CACNA2D1: variants seen among roughly 807,000 people sequenced by gnomAD.
CACNA2D1 encodes calcium voltage-gated channel auxiliary subunit alpha2delta 1, also known as voltage-dependent calcium channel subunit alpha-2/delta-1.
Under a neutral mutation model 171.5 loss-of-function variants are expected in CACNA2D1, and 53 were observed. The observed-to-expected ratio is 0.31, with a 90% CI of 0.25 to 0.39. The LOEUF is 0.39. CACNA2D1 is among the 10% of genes least tolerant of loss of function. The probability of loss-of-function intolerance (pLI) is 1.00; values close to 1 mark genes in which losing one functional copy is unlikely to be tolerated. For synonymous variants in CACNA2D1, 442 were observed against 443.1 expected (o/e 1.00, Z 0.03); for missense variants, 903 against 1,299.8 (o/e 0.69, Z 4.69).
intron 12 of CACNA2D1, among the ~76,000 whole-genome samples, chr7:82,024,051 C>G (rs1415467327): frequency 4.0e-5 from 6 of 151,668 alleles, no homozygotes; most frequent in Non-Finnish European, 8.9e-5. Flanking sequence ...TTTATCTATT[C>G]ATCTGTCAAG....
intron 3 of CACNA2D1, among the ~76,000 whole-genome samples, chr7:82,238,931 T>G (rs1260559446): frequency 6.6e-6 from 1 of 152,070 alleles, no homozygotes; most frequent in Admixed American, 6.6e-5. Context: ...TCACAATATC[T>G]GACCCAAGAT....
chr7:82,223,695 T>A (rs1802031919), intron 3 of CACNA2D1, among the ~76,000 whole-genome samples: 1 of 152,220 alleles, frequency 6.6e-6, no homozygotes, highest in South Asian at 2.1e-4. Flanking sequence ...TCCTGGCTAG[T>A]CCAGGACAGC....
chr7:82,232,676 T>C (rs1230948363), intron 3 of CACNA2D1, among the ~76,000 whole-genome samples: 6 of 151,608 alleles, frequency 4.0e-5, no homozygotes, highest in Admixed American at 4.0e-4. Flanking sequence ...CCATCCTGGC[T>C]AACACTGTGA....
chr7:82,023,312 T>C (rs1801476906), intron 12 of CACNA2D1, among the ~76,000 whole-genome samples: 1 of 151,908 alleles, frequency 6.6e-6, no homozygotes, highest in Non-Finnish European at 1.5e-5. Context: ...GCTATACCTA[T>C]CTATAATCAG....
chr7:82,225,534 C>G (rs1802266803), intron 3 of CACNA2D1, among the ~76,000 whole-genome samples: 1 of 152,066 alleles, frequency 6.6e-6, no homozygotes, highest in East Asian at 1.9e-4. Flanking sequence ...ATGAATTTTT[C>G]AAGGCAATTT....
intron 6 of CACNA2D1, among the ~76,000 whole-genome samples, chr7:82,091,206 A>T (rs1811113738): frequency 6.6e-6 from 1 of 152,228 alleles, no homozygotes; most frequent in African/African-American, 2.4e-5. Flanking sequence ...TGAATAAGGT[A>T]CAGGGAGATG....
chr7:82,263,485 C>G (rs1807412383), intron 3 of CACNA2D1, among the ~76,000 whole-genome samples: 1 of 151,918 alleles, frequency 6.6e-6, no homozygotes, highest in South Asian at 2.1e-4. Flanking sequence ...GGGCTATAAC[C>G]CTGGTGATGA....
At chr7:82,302,853 G>A (rs1302484750) in intron 3 of CACNA2D1, among the ~76,000 whole-genome samples, 1 of 152,084 alleles carries the variant, frequency 6.6e-6, no homozygotes, top group East Asian at 1.9e-4. Flanking sequence ...TACTAAAGGG[G>A]AATAGTTAAG....
chr7:82,006,893 G>T (rs1799175653), intron 16 of CACNA2D1, among the ~76,000 whole-genome samples: 1 of 152,022 alleles, frequency 6.6e-6, no homozygotes, highest in Non-Finnish European at 1.5e-5. Flanking sequence ...TGCAGCAGAC[G>T]TCATGAAACC....
intron 1 of CACNA2D1, among the ~76,000 whole-genome samples, chr7:82,435,218 G>C (rs1830023081): frequency 6.6e-6 from 1 of 151,830 alleles, no homozygotes. Context: ...TGTATTTTTA[G>C]TAGAGATGGG....
chr7:82,301,366 C>A (rs1409972279), intron 3 of CACNA2D1, among the ~76,000 whole-genome samples: 1 of 152,044 alleles, frequency 6.6e-6, no homozygotes, highest in Non-Finnish European at 1.5e-5. Context: ...CTCAGGTGAT[C>A]CGCCTGCCTC....
chr7:82,378,959 G>A (rs1823353231), intron 1 of CACNA2D1, among the ~76,000 whole-genome samples: 1 of 151,008 alleles, frequency 6.6e-6, no homozygotes, highest in African/African-American at 2.4e-5. Context: ...GTGTGTGTGT[G>A]TGTGTGTGTG....
At chr7:82,364,693 C>T (rs1379753622) in intron 1 of CACNA2D1, among the ~76,000 whole-genome samples, 1 of 152,144 alleles carries the variant, frequency 6.6e-6, no homozygotes, top group Non-Finnish European at 1.5e-5. Context: ...ATGGAAATCA[C>T]CTTGGATAAA....
intron 3 of CACNA2D1, among the ~76,000 whole-genome samples, chr7:82,266,645 T>C (rs890934007): frequency 6.6e-6 from 1 of 151,980 alleles, no homozygotes; most frequent in East Asian, 1.9e-4. Flanking sequence ...GCCTCCCGAG[T>C]AGGCAGGATT....
At chr7:81,964,917 T>G (rs555339605) in intron 32 of CACNA2D1, among the ~76,000 whole-genome samples, 5 of 151,366 alleles carry the variant, frequency 3.3e-5, no homozygotes, top group African/African-American at 1.2e-4. Context: ...CTTAAACATA[T>G]ACAATAAAAA....
At chr7:82,038,274 A>G in intron 10 of CACNA2D1, 39 bp from the exon 11 acceptor site, 1 of 1,533,152 alleles carries the variant, frequency 6.5e-7, no homozygotes, top group Non-Finnish European at 9.0e-7. Context: ...AATGAACATT[A>G]AAATCAACCA....
rs184883061 is a variant in CACNA2D1 at position 82,092,798 on chromosome 7, T to C, written c.527-7898A>G. Among the ~76,000 whole-genome samples, 193 of 152,114 alleles carry C rather than the reference T, an allele frequency of 1.3e-3. 2 individuals are homozygous for C. Among genetic ancestry groups the C allele is most frequent in the East Asian group, 6.6e-3 (34 of 5,182 alleles). ...TTAGAGTAATATTTCAGTAAATACA[T>C]AGCCTGCTAAACTCTCGGTAAATGA... is the stretch of plus-strand genomic sequence containing the variant. On this transcript the variant is annotated intron_variant, in intron 6 of 38. Transcript: ENST00000356860.
At chr7:82,092,862 C>A (rs904088477) in intron 6 of CACNA2D1, among the ~76,000 whole-genome samples, 13 of 151,262 alleles carry the variant, frequency 8.6e-5, no homozygotes, top group Middle Eastern at 3.2e-3. Context: ...TCATTTAGAC[C>A]TTAAAAAGAG....
chr7:82,350,501 T>C (rs1819731773), intron 1 of CACNA2D1, among the ~76,000 whole-genome samples: 1 of 152,006 alleles, frequency 6.6e-6, no homozygotes, highest in Admixed American at 6.6e-5. Flanking sequence ...CCGTCTCTAC[T>C]AAAAATACAA....
Sources: allele counts gnomAD v4.1 joint callset (sites outside exome capture counted in the v4.1 genomes callset), GRCh38; gene constraint gnomAD v4.1.1; transcripts MANE v1.5; gene names NCBI Gene and HGNC (gene_info 2026-07-23, HGNC 2026-07-21).